The following GPC5 variants were observed in gnomAD, a reference collection of about 807,000 sequenced individuals.
GPC5 encodes glypican 5.
A neutral mutation model predicts 53.9 loss-of-function variants in GPC5; 47 were observed. The ratio of observed to expected loss-of-function variants is 0.87; its 90% confidence interval spans 0.69 to 1.11. The LOEUF (loss-of-function observed/expected upper bound fraction) is 1.11, where lower values mean the gene tolerates loss of function less well. Ranked by LOEUF, GPC5 falls within the 50% of genes most tolerant of loss-of-function variation. The pLI is 0.00. For synonymous variants in GPC5, 286 were observed against 263.3 expected, an observed-to-expected ratio of 1.09 and a Z score of -0.84; for missense variants, 748 against 713.1, an observed-to-expected ratio of 1.05 and a Z score of -0.56.
intron 1 of GPC5, among the ~76,000 whole-genome samples, chr13:91,426,746 C>A (rs1396587040): frequency 6.6e-6 from 1 of 152,202 alleles, no homozygotes; most frequent in Non-Finnish European, 1.5e-5. Context: ...CCTAGCCATG[C>A]TGGCAGCTGA....
intron 7 of GPC5, among the ~76,000 whole-genome samples, chr13:92,460,222 G>A (rs1403585151): frequency 2.0e-5 from 3 of 151,812 alleles, no homozygotes; most frequent in African/African-American, 7.3e-5. Context: ...GATATTTAAG[G>A]GGTACAATTT....
chr13:92,397,589 G>A (rs61973581), intron 7 of GPC5, among the ~76,000 whole-genome samples: 10,831 of 152,236 alleles, frequency 0.071, 417 homozygotes, highest in Admixed American at 0.097. Flanking sequence ...AATCTTTGCT[G>A]TAATTCCGTG....
chr13:92,550,485 G>C (rs1250267688), intron 7 of GPC5, among the ~76,000 whole-genome samples: 1 of 151,798 alleles, frequency 6.6e-6, no homozygotes, highest in African/African-American at 2.4e-5. Flanking sequence ...AGAAATAACT[G>C]GGTATCAAAA....
intron 4 of GPC5, among the ~76,000 whole-genome samples, chr13:91,740,126 C>T (rs1470160908): frequency 6.6e-6 from 1 of 152,124 alleles, no homozygotes; most frequent in Non-Finnish European, 1.5e-5. Context: ...CTCGCTTTTA[C>T]CTAAAAGCAC....
chr13:92,237,337 A>C (rs890456959), intron 7 of GPC5, among the ~76,000 whole-genome samples: 4 of 152,090 alleles, frequency 2.6e-5, no homozygotes, highest in Admixed American at 6.6e-5. Context: ...CTCTTGCCTC[A>C]ACCTCCTGAG....
intron 6 of GPC5, among the ~76,000 whole-genome samples, chr13:92,109,775 A>T (rs12427528): frequency 6.6e-6 from 1 of 151,960 alleles, no homozygotes; most frequent in Non-Finnish European, 1.5e-5. Flanking sequence ...TTGATTAATC[A>T]ATAAAAATAA....
rs573499650 is a variant in GPC5, at chr13:92,558,337, T to TA, written c.1562-307941dup. On this transcript the variant is annotated intron_variant, in intron 7 of 7. Coordinates refer to ENST00000377067, the MANE Select transcript of GPC5 (RefSeq NM_004466.6). ...TAAAGTTAATTTATGCATTTTCTAA[T>TA]AAAAGAAACTAACATATGCAAGTGA... is the stretch of plus-strand genomic sequence containing the variant. 9.2e-5 allele frequency among the ~76,000 whole-genome samples: 14 copies of TA among 152,142 alleles called. 1 individual carries two copies. The East Asian group carries it at 2.7e-3, about 30-fold the overall frequency.
chr13:92,556,930 A>G (rs1021789082), intron 7 of GPC5, among the ~76,000 whole-genome samples: 1 of 151,940 alleles, frequency 6.6e-6, no homozygotes, highest in Non-Finnish European at 1.5e-5. Context: ...CCCTATAAAC[A>G]GGAGAGGAAA....
intron 7 of GPC5, among the ~76,000 whole-genome samples, chr13:92,457,214 T>A (rs1878302966): frequency 6.6e-6 from 1 of 152,162 alleles, no homozygotes; most frequent in Non-Finnish European, 1.5e-5. Flanking sequence ...TCATAGTGTA[T>A]AGGTATGACA....
intron 7 of GPC5, among the ~76,000 whole-genome samples, chr13:92,615,913 G>A (rs1884671555): frequency 6.6e-6 from 1 of 152,128 alleles, no homozygotes; most frequent in Non-Finnish European, 1.5e-5. Flanking sequence ...AATTAGCCGG[G>A]CATAGTGGCA....
At chr13:92,328,032 T>G (rs9516060) in intron 7 of GPC5, among the ~76,000 whole-genome samples, 68,618 of 152,030 alleles carry the variant, frequency 0.45, 16,343 homozygotes, top group African/African-American at 0.62. Context: ...TTACTGTGCT[T>G]CTTCAGGGCA....
chr13:92,258,325 A>G (rs1167642882), intron 7 of GPC5, among the ~76,000 whole-genome samples: 1 of 152,174 alleles, frequency 6.6e-6, no homozygotes, highest in African/African-American at 2.4e-5. Flanking sequence ...GTATCCTGAA[A>G]CCTGGCAAAA....
At chr13:92,851,235 G>A (rs1393219994) in intron 7 of GPC5, among the ~76,000 whole-genome samples, 2 of 152,030 alleles carry the variant, frequency 1.3e-5, no homozygotes, top group East Asian at 1.9e-4. Context: ...CCAGCACTGG[G>A]GATTACTATT....
intron 7 of GPC5, among the ~76,000 whole-genome samples, chr13:92,816,263 A>C (rs1379394294): frequency 6.6e-6 from 1 of 152,110 alleles, no homozygotes; most frequent in African/African-American, 2.4e-5. Context: ...GCTATTGGAT[A>C]GGTCATGGAA....
intron 2 of GPC5, among the ~76,000 whole-genome samples, chr13:91,533,056 A>C (rs1037702693): frequency 3.3e-5 from 5 of 152,222 alleles, no homozygotes; most frequent in Admixed American, 6.5e-5. Context: ...GGAAGATAAG[A>C]ACTTTTGAGA....
At position 92,063,561 on chromosome 13, in the gene GPC5, T is replaced by G. The variant is rs1445301189; in HGVS notation, c.1402-81269T>G. The stretch of plus-strand genomic sequence containing the variant: ...CATGCTTTGGGCCCAAGAAATAAAT[T>G]ACTGAAAAAATAAACCAAGAGAGGG... On this transcript the variant is annotated intron_variant, in intron 6 of 7. Coordinates refer to ENST00000377067, the MANE Select transcript of GPC5 (RefSeq NM_004466.6). Among the ~76,000 whole-genome samples, 3 of 152,022 alleles carry G rather than the reference T, an allele frequency of 2.0e-5. No individual in the cohort carries two copies. The East Asian group carries it at 5.8e-4, about 29-fold the overall frequency.
intron 6 of GPC5, among the ~76,000 whole-genome samples, chr13:92,039,997 A>G (rs2040929200): frequency 6.6e-6 from 1 of 152,196 alleles, no homozygotes; most frequent in Non-Finnish European, 1.5e-5. Context: ...CAGCTCTGCC[A>G]AGGGGACTGA....
intron 7 of GPC5, among the ~76,000 whole-genome samples, chr13:92,321,248 A>G (rs1033855149): frequency 2.6e-5 from 4 of 152,214 alleles, no homozygotes; most frequent in Non-Finnish European, 4.4e-5. Context: ...AGGAAAACAC[A>G]AAAACTTTGA....
intron 2 of GPC5, among the ~76,000 whole-genome samples, chr13:91,576,465 A>C (rs932781298): frequency 6.6e-6 from 1 of 152,174 alleles, no homozygotes; most frequent in African/African-American, 2.4e-5. Flanking sequence ...AAAACAACTT[A>C]AAGTAAGTAT....
Sources: gnomAD v4.1 joint callset for allele counts (sites outside exome capture counted in the v4.1 genomes callset) on GRCh38, gnomAD v4.1.1 for gene constraint, MANE v1.5 for transcripts, NCBI Gene and HGNC (gene_info 2026-07-23, HGNC 2026-07-21) for gene names.